PPCDC: variants seen among roughly 807,000 people sequenced by gnomAD.
The protein encoded by PPCDC is phosphopantothenoylcysteine decarboxylase.
A neutral mutation model predicts 20.7 loss-of-function variants in PPCDC; 20 were observed. The observed-to-expected ratio is 0.97, with a 90% confidence interval of 0.68 to 1.41. PPCDC has a LOEUF of 1.41. Ranked by LOEUF, PPCDC falls within the 40% of genes most tolerant of loss-of-function variation. The pLI, the probability that PPCDC is intolerant of heterozygous loss-of-function variation, is 0.00. For missense variants in PPCDC, 246 were observed against 263.8 expected (o/e 0.93, Z 0.47); for synonymous variants, 88 against 100.3 (o/e 0.88, Z 0.73).
At chr15:75,044,830 C>A (rs1034142336) in intron 4 of PPCDC, 3 of 316,086 alleles carry the variant, frequency 9.5e-6, no homozygotes, top group South Asian at 2.9e-5. Flanking sequence ...CGTGGGCTGC[C>A]TGGGTGTGCT....
At chr15:75,044,336 C>A (rs745549071) in intron 3 of PPCDC, 50 bp from the exon 4 acceptor site, 3 of 1,603,926 alleles carry the variant, frequency 1.9e-6, no homozygotes, top group Non-Finnish European at 2.5e-6. Flanking sequence ...CCTGCCTTGG[C>A]GCTGCATCCT....
intron 2 of PPCDC, among the ~76,000 whole-genome samples, chr15:75,036,888 C>A (rs924169459): frequency 2.0e-5 from 3 of 151,792 alleles, no homozygotes; most frequent in Admixed American, 6.5e-5. Flanking sequence ...CCAGGCTCAT[C>A]CCAAACTTCT....
Position 75,028,259 on chromosome 15 carries a change from G to C in PPCDC, c.-60G>C. 1.9e-6 allele frequency: 3 copies of C among 1,580,342 alleles called. No homozygotes were observed. Among genetic ancestry groups the C allele is most frequent in the Non-Finnish European group, 2.6e-6 (3 of 1,167,212 alleles). On this transcript the variant is annotated 5_prime_UTR_variant, in exon 2 of 6. Transcript: ENST00000342932. ...GTTCTCCTTTTAGATCCTAAATCCC[G>C]ACAGCTTTATAGAGCCCAGGCCTGG...
intron 1 of PPCDC, among the ~76,000 whole-genome samples, chr15:75,025,782 A>C (rs2065952982): frequency 6.6e-6 from 1 of 152,222 alleles, no homozygotes; most frequent in Admixed American, 6.5e-5. Flanking sequence ...TAATAGACTT[A>C]CTGGTTTGGA....
intron 2 of PPCDC, among the ~76,000 whole-genome samples, chr15:75,039,043 C>G (rs1323943469): frequency 2.0e-5 from 3 of 151,958 alleles, no homozygotes; most frequent in Non-Finnish European, 4.4e-5. Context: ...TCTTCTCCCT[C>G]TATTGTCTCT....
In PPCDC at chr15:75,043,487, GC is replaced by G; in HGVS notation, c.187del (p.Gln63ArgfsTer77). 1 of 1,613,018 alleles carries G rather than the reference GC, an allele frequency of 6.2e-7. No individual in the cohort carries two copies. Among genetic ancestry groups the G allele is most frequent in the South Asian group, 1.1e-5 (1 of 90,816 alleles). On this transcript the variant is annotated frameshift_variant, in exon 3 of 6. Transcript: ENST00000342932. LOFTEE classifies it high-confidence loss of function. ...ACTGAGAGAGCCAAACATTTCTACAGCCCCCAGGACATTCCTGTCACCCTCT... is the reference window on the plus strand; with the variant it reads ...ACTGAGAGAGCCAAACATTTCTACAGCCCCAGGACATTCCTGTCACCCTCT... Reference protein sequence around the residue: ...VTTERAKHFYSPQDIPVTLYS... With the variant: ...VTTERAKHFYXPQDIPVTLYS...
chr15:75,042,979 G>A (rs1449273694), intron 2 of PPCDC, among the ~76,000 whole-genome samples: 5 of 152,346 alleles, frequency 3.3e-5, no homozygotes, highest in South Asian at 2.1e-4. Context: ...GACATGCCGC[G>A]CCCCAGCCCC....
chr15:75,048,520 G>A, intron 4 of PPCDC, 33 bp from the exon 5 acceptor site: 1 of 1,603,648 alleles, frequency 6.2e-7, no homozygotes, highest in Non-Finnish European at 8.5e-7. Context: ...AGACAGAGTA[G>A]CAAGACCCCC....
chr15:75,037,799 ATCT>A (rs1327472068), intron 2 of PPCDC, among the ~76,000 whole-genome samples: 3 of 152,088 alleles, frequency 2.0e-5, no homozygotes, highest in Non-Finnish European at 4.4e-5. Context: ...CATTTTGTTC[ATCT>A]TCTCTTTTGA....
chr15:75,048,974 G>A (rs1161223168), intron 5 of PPCDC, among the ~76,000 whole-genome samples, 176 bp from the exon 6 acceptor site: 1 of 152,188 alleles, frequency 6.6e-6, no homozygotes, highest in Non-Finnish European at 1.5e-5. Context: ...ACTGGAACGA[G>A]TCCCAGGGTC....
rs58585695 is a variant in PPCDC at position 75,032,736 on chromosome 15, A to ACC, written c.135+4283_135+4284insCC. 6.5e-5 allele frequency among the ~76,000 whole-genome samples: 8 copies of ACC among 122,152 alleles called. 2 individuals are homozygous for ACC. Among genetic ancestry groups the ACC allele is most frequent in the Admixed American group, 2.8e-4 (3 of 10,818 alleles). The allele number at this position is 122,152 out of a possible 152,430, so 80.1% of individuals were successfully genotyped here. A position where few individuals can be genotyped will look rare whatever the true frequency, so the allele number is the denominator to read the frequency against. On this transcript the variant is annotated intron_variant, in intron 2 of 5. Coordinates refer to ENST00000342932, the MANE Select transcript of PPCDC (RefSeq NM_021823.5). ...GCTAGCAAACTGGACCCCCCCCCCC[A>ACC]AGGCCAAATTCGGCTCTGCCTGTTT...
intron 2 of PPCDC, among the ~76,000 whole-genome samples, chr15:75,035,361 C>T (rs1389026588): frequency 6.6e-6 from 1 of 152,166 alleles, no homozygotes; most frequent in Admixed American, 6.5e-5. Flanking sequence ...TTGTCTCATC[C>T]TGTGGCTGCG....
rs144990044 is a variant in PPCDC at position 75,044,412 on chromosome 15, T to A, written c.258T>A (p.Val86=). ...TATGGAAGAGCCGCTCTGACCCAGT[T>A]CTGCACATTGACCTGCGGAGGTGGG... The part of the protein sequence containing the change: ...WEIWKSRSDP[V]LHIDLRRWAD... The change falls in exon 4 of 6, where the codon GTT becomes GTA. Residue 86 remains valine (V), a synonymous_variant. Coordinates refer to ENST00000342932, the MANE Select transcript of PPCDC (RefSeq NM_021823.5). 594 of 1,613,992 alleles carry A rather than the reference T, an allele frequency of 3.7e-4. No homozygotes were observed. Among genetic ancestry groups the A allele is most frequent in the Non-Finnish European group, 4.8e-4 (567 of 1,179,980 alleles).
At chr15:75,042,314 C>T (rs1047686144) in intron 2 of PPCDC, among the ~76,000 whole-genome samples, 8 of 152,204 alleles carry the variant, frequency 5.3e-5, no homozygotes, top group Non-Finnish European at 1.5e-5. Flanking sequence ...CCAACAGCTA[C>T]TTCCTCTGGG....
intron 4 of PPCDC, among the ~76,000 whole-genome samples, chr15:75,046,820 G>A (rs1350956983): frequency 6.6e-6 from 1 of 152,258 alleles, no homozygotes; most frequent in Non-Finnish European, 1.5e-5. Context: ...TGGCCTCCAG[G>A]CCCGTGTCCC....
chr15:75,036,078 G>A (rs970156869), intron 2 of PPCDC, among the ~76,000 whole-genome samples: 4 of 151,922 alleles, frequency 2.6e-5, no homozygotes, highest in African/African-American at 9.7e-5. Flanking sequence ...CTTTTTTAAT[G>A]CCCAGCGCTG....
intron 2 of PPCDC, among the ~76,000 whole-genome samples, chr15:75,030,466 C>T (rs540901695): frequency 2.6e-5 from 4 of 152,368 alleles, no homozygotes; most frequent in Admixed American, 6.5e-5. Context: ...GTGGAGGGCC[C>T]ATGCCTTTCA....
At chr15:75,044,052 C>T (rs570235895) in intron 3 of PPCDC, among the ~76,000 whole-genome samples, 2 of 131,792 alleles carry the variant, frequency 1.5e-5, no homozygotes, top group Non-Finnish European at 3.4e-5. Flanking sequence ...CTCCATTTCT[C>T]ACTGCCCCGG....
chr15:75,042,405 C>T (rs1477886022), intron 2 of PPCDC, among the ~76,000 whole-genome samples: 1 of 152,122 alleles, frequency 6.6e-6, no homozygotes, highest in Non-Finnish European at 1.5e-5. Flanking sequence ...AACACTAGCA[C>T]TTTGGGAGAC....
Sources: allele counts gnomAD v4.1 joint callset (sites outside exome capture counted in the v4.1 genomes callset), GRCh38; gene constraint gnomAD v4.1.1; transcripts MANE v1.5; gene names NCBI Gene and HGNC (gene_info 2026-07-23, HGNC 2026-07-21).